The following CA10 variants were observed in gnomAD, a reference collection of about 807,000 sequenced individuals.
CA10 encodes the protein carbonic anhydrase-related protein 10.
CA10 carries 14 observed loss-of-function variants against 44.2 expected under a neutral mutation model. The observed-to-expected ratio is 0.32, with a 90% CI of 0.21 to 0.50. The LOEUF (loss-of-function observed/expected upper bound fraction) is 0.50, where lower values mean the gene tolerates loss of function less well. CA10 is among the 20% of genes least tolerant of loss of function. The pLI, the probability that CA10 is intolerant of heterozygous loss-of-function variation, is 0.99. For missense variants in CA10, 350 were observed against 409.7 expected (o/e 0.85, Z 1.26); for synonymous variants, 159 against 141.6 (o/e 1.12, Z -0.87).
chr17:51,860,472 G>A (rs996908620), intron 3 of CA10, among the ~76,000 whole-genome samples: 3 of 152,212 alleles, frequency 2.0e-5, no homozygotes, highest in African/African-American at 7.2e-5. Flanking sequence ...TATGGAGGAG[G>A]TGGGCCTGAC....
chr17:51,806,522 A>G (rs1229427974), intron 3 of CA10, among the ~76,000 whole-genome samples: 1 of 152,224 alleles, frequency 6.6e-6, no homozygotes, highest in African/African-American at 2.4e-5. Flanking sequence ...ATAAACAAAT[A>G]AAAATGAGAA....
intron 3 of CA10, among the ~76,000 whole-genome samples, chr17:51,887,618 T>C (rs1447467696): frequency 2.0e-5 from 3 of 152,062 alleles, no homozygotes; most frequent in East Asian, 3.9e-4. Context: ...ATCTGCACAA[T>C]GCGAACAACA....
chr17:51,796,381 G>T (rs1906709751), intron 3 of CA10, among the ~76,000 whole-genome samples: 1 of 152,114 alleles, frequency 6.6e-6, no homozygotes, highest in Non-Finnish European at 1.5e-5. Flanking sequence ...AGGCCAGTGT[G>T]CTCCCCTCAC....
chr17:52,149,690 T>C (rs778567232), intron 1 of CA10, among the ~76,000 whole-genome samples: 1 of 152,212 alleles, frequency 6.6e-6, no homozygotes, highest in Non-Finnish European at 1.5e-5. Flanking sequence ...CTGGCTTTTT[T>C]TTCCTAGGGT....
chr17:52,021,053 T>C (rs766994246), intron 2 of CA10, among the ~76,000 whole-genome samples: 3 of 152,124 alleles, frequency 2.0e-5, no homozygotes, highest in Admixed American at 1.3e-4. Context: ...CAGTCTACCA[T>C]TGATGGGTAT....
At chr17:52,041,225 T>C (rs536042831) in intron 2 of CA10, among the ~76,000 whole-genome samples, 1 of 151,886 alleles carries the variant, frequency 6.6e-6, no homozygotes, top group East Asian at 2.0e-4. Flanking sequence ...TACCATCAAT[T>C]CAAAATGGCA....
intron 4 of CA10, among the ~76,000 whole-genome samples, chr17:51,660,815 C>A (rs1375318361): frequency 2.0e-5 from 3 of 152,164 alleles, no homozygotes; most frequent in Non-Finnish European, 2.9e-5. Context: ...CTTTTCTAAC[C>A]ATGTGTCCTT....
chr17:51,801,936 G>A (rs1906948635), intron 3 of CA10, among the ~76,000 whole-genome samples: 1 of 152,198 alleles, frequency 6.6e-6, no homozygotes, highest in East Asian at 1.9e-4. Context: ...AACAATTACT[G>A]ATAGACCCCA....
chr17:51,632,134 C>T (rs1046149163), intron 8 of CA10, among the ~76,000 whole-genome samples: 2 of 152,202 alleles, frequency 1.3e-5, no homozygotes, highest in African/African-American at 4.8e-5. Flanking sequence ...TGATTTCATA[C>T]TACAATGTCA....
chr17:51,723,206 C>T (rs1405161367), intron 4 of CA10, among the ~76,000 whole-genome samples: 1 of 152,158 alleles, frequency 6.6e-6, no homozygotes, highest in Non-Finnish European at 1.5e-5. Context: ...TGAGTCAATC[C>T]TGGGCATGTG....
At chr17:51,759,356 CTCTGTGTG>C (rs948584504) in intron 3 of CA10, among the ~76,000 whole-genome samples, 1 of 88,046 alleles carries the variant, frequency 1.1e-5, no homozygotes, top group Admixed American at 1.5e-4. Context: ...CACTTCTTTG[CTCTGTGTG>C]TGTGTGTGTG....
At chr17:52,155,083 A>T (rs79462916) in intron 1 of CA10, among the ~76,000 whole-genome samples, 90 of 152,296 alleles carry the variant, frequency 5.9e-4, no homozygotes, top group Admixed American at 1.1e-3. Context: ...GCTACTACCA[A>T]CATTTTCCTT....
At chr17:51,856,228 G>C (rs574109240) in intron 3 of CA10, among the ~76,000 whole-genome samples, 1 of 152,252 alleles carries the variant, frequency 6.6e-6, no homozygotes, top group African/African-American at 2.4e-5. Flanking sequence ...TAATGTATTA[G>C]ATCTTTCTTT....
Position 51,761,078 on chromosome 17 carries a change from C to T in CA10, c.280-13260G>A, listed in dbSNP as rs554572205. On this transcript the variant is annotated intron_variant, in intron 3 of 8. Transcript: ENST00000451037. ...TCAGTCTTCCTTCCCAAGCTGCCCT[C>T]CCTTATGCGAACACAGCTATATTAA... is the stretch of plus-strand genomic sequence containing the variant. 6.6e-5 allele frequency among the ~76,000 whole-genome samples: 10 copies of T among 152,302 alleles called. No homozygotes were observed. The South Asian group carries it at 8.3e-4, about 13-fold the overall frequency.
chr17:51,650,067 G>A (rs531574509), intron 5 of CA10, among the ~76,000 whole-genome samples: 3 of 152,242 alleles, frequency 2.0e-5, no homozygotes, highest in Non-Finnish European at 2.9e-5. Flanking sequence ...TGTACCAGAT[G>A]TTCAGGGATC....
chr17:51,917,157 T>A (rs929737041), intron 3 of CA10, among the ~76,000 whole-genome samples: 1 of 152,236 alleles, frequency 6.6e-6, no homozygotes, highest in African/African-American at 2.4e-5. Context: ...ATGTAGCATT[T>A]GCAGATTTCT....
At chr17:51,879,923 A>G (rs1980286798) in intron 3 of CA10, among the ~76,000 whole-genome samples, 1 of 152,168 alleles carries the variant, frequency 6.6e-6, no homozygotes, top group African/African-American at 2.4e-5. Flanking sequence ...ATGCTTTGAT[A>G]TCTGGGGCCT....
At chr17:52,029,331 G>A (rs1351956330) in intron 2 of CA10, among the ~76,000 whole-genome samples, 2 of 151,992 alleles carry the variant, frequency 1.3e-5, no homozygotes, top group African/African-American at 4.8e-5. Context: ...ATCAAAACAC[G>A]CTTTTGTCAA....
intron 4 of CA10, among the ~76,000 whole-genome samples, chr17:51,690,234 C>T: frequency 6.6e-6 from 1 of 152,228 alleles, no homozygotes; most frequent in East Asian, 1.9e-4. Context: ...AGGCGTGAGC[C>T]ACCATGCCTC....
Sources: allele counts gnomAD v4.1 joint callset (sites outside exome capture counted in the v4.1 genomes callset), GRCh38; gene constraint gnomAD v4.1.1; transcripts MANE v1.5; gene names NCBI Gene and HGNC (gene_info 2026-07-23, HGNC 2026-07-21).